The following VAMP5 variants were observed in gnomAD, a reference collection of about 807,000 sequenced individuals.
The protein encoded by VAMP5 is vesicle associated membrane protein 5, also known as vesicle-associated membrane protein 5.
A neutral mutation model predicts 8.1 loss-of-function variants in VAMP5; 10 were observed. That is an observed-to-expected ratio of 1.23 (90% CI 0.76 to 2.09). The LOEUF (loss-of-function observed/expected upper bound fraction) is 2.09, where lower values mean the gene tolerates loss of function less well. Ranked by LOEUF, VAMP5 falls within the 30% of genes most tolerant of loss-of-function variation. VAMP5 has a pLI of 0.00. For missense variants in VAMP5, 135 were observed against 152.5 expected, an observed-to-expected ratio of 0.89 and a Z score of 0.60; for synonymous variants, 62 against 60.6, an observed-to-expected ratio of 1.02 and a Z score of -0.11.
intron 1 of VAMP5, among the ~76,000 whole-genome samples, chr2:85,588,905 A>G (rs1672500575): frequency 6.6e-6 from 1 of 151,984 alleles, no homozygotes; most frequent in African/African-American, 2.4e-5. Flanking sequence ...GATACTTACT[A>G]TCTGTATCGC....
In VAMP5 at chr2:85,591,839, C is replaced by T. The variant is rs1346947302; in HGVS notation, c.118C>T (p.Arg40Cys). 15 of 1,614,122 alleles carry T rather than the reference C, an allele frequency of 9.3e-6. No individual in the cohort carries two copies. The highest frequency in any genetic ancestry group is 1.6e-4 in the Middle Eastern group (1 of 6,062). The change falls in exon 2 of 3, where the codon CGT becomes TGT. Residue 40 changes from arginine to cysteine, a missense_variant. Coordinates refer to ENST00000306384, the MANE Select transcript of VAMP5 (RefSeq NM_006634.3). ...RGVKLAELQQ[R>C]SDQLLDMSST... ...TGTGAAGCTGGCCGAACTGCAGCAG[C>T]GTTCAGACCAACTCCTGGATATGGT...
rs181958057 is a variant in VAMP5, at chr2:85,585,561, G to A, written c.3+1068G>A. Among the ~76,000 whole-genome samples, 245 of 152,366 alleles carry A rather than the reference G, an allele frequency of 1.6e-3. 2 individuals are homozygous for A. The highest frequency in any genetic ancestry group is 5.7e-3 in the African/African-American group (235 of 41,578). Reference sequence around the variant, plus strand: ...AGGGCAGAGCCCAGAGCCCACTTAAGGGTGTGCAGGGCAAGGGGTCAGGCA... The same window carrying A: ...AGGGCAGAGCCCAGAGCCCACTTAAAGGTGTGCAGGGCAAGGGGTCAGGCA... On this transcript the variant is annotated intron_variant, in intron 1 of 2. Coordinates refer to ENST00000306384, the MANE Select transcript of VAMP5 (RefSeq NM_006634.3).
At chr2:85,587,818 G>A (rs1040976813) in intron 1 of VAMP5, among the ~76,000 whole-genome samples, 2 of 152,100 alleles carry the variant, frequency 1.3e-5, no homozygotes, top group African/African-American at 2.4e-5. Context: ...TTCAACAGAC[G>A]GGTGCAAAGC....
intron 1 of VAMP5, among the ~76,000 whole-genome samples, chr2:85,587,555 T>A (rs1055428234): frequency 1.3e-5 from 2 of 151,672 alleles, no homozygotes; most frequent in South Asian, 2.1e-4. Flanking sequence ...CCTGGCCATA[T>A]TGTACAATTC....
rs776537541 is a variant in VAMP5, at chr2:85,591,737, T to G, written c.16T>G (p.Leu6Val). 2 of 1,613,572 alleles carry G rather than the reference T, an allele frequency of 1.2e-6. No individual in the cohort carries two copies. Among genetic ancestry groups the G allele is most frequent in the South Asian group, 2.2e-5 (2 of 91,052 alleles). ...GCTTGGTGTCCAGGCAGGAATAGAG[T>G]TGGAGCGGTGCCAGCAGCAGGCGAA... is the stretch of plus-strand genomic sequence containing the variant. Reference protein sequence around the residue: MAGIELERCQQQANEV... With the variant: MAGIEVERCQQQANEV... Residue 6 changes from leucine to valine, a missense_variant, in exon 2 of 3, where the codon TTG becomes GTG. Leu to Val is a conservative substitution (Grantham distance 32, BLOSUM62 1). Transcript: ENST00000306384.
At chr2:85,588,550 A>T (rs771970729) in intron 1 of VAMP5, among the ~76,000 whole-genome samples, 5 of 152,026 alleles carry the variant, frequency 3.3e-5, no homozygotes, top group Non-Finnish European at 5.9e-5. Context: ...ATCTCCTGGC[A>T]GTCTTGCTGA....
In VAMP5 at chr2:85,584,471, AGGC is replaced by A. The variant is rs1356222331; in HGVS notation, c.-10_-8del. The A allele has an allele frequency of 5.6e-6, 7 of 1,243,088 alleles. No homozygotes were observed. The South Asian group carries it at 1.1e-4, about 19-fold the overall frequency. 77.0% of individuals were successfully genotyped at this position (1,243,088 alleles called of 1,614,324 possible). On this transcript the variant is annotated 5_prime_UTR_variant, in exon 1 of 3. Transcript: ENST00000306384. ...CAGGCAGAGAAGCCGGGAGCGGGCG[AGGC>A]GGCGGCGGCAGCAGCGATGGTGAGG...
In VAMP5 at chr2:85,584,439, C is replaced by T. The variant is rs562311364; in HGVS notation, c.-52C>T. On this transcript the variant is annotated 5_prime_UTR_variant, in exon 1 of 3. Coordinates refer to ENST00000306384, the MANE Select transcript of VAMP5 (RefSeq NM_006634.3). ...CCTCCGGGGCCGCTGGCACTGCGGC[C>T]GCTCCGCAGGCAGAGAAGCCGGGAG... 4.0e-6 allele frequency: 5 copies of T among 1,243,334 alleles called. No homozygotes were observed. The highest frequency in any genetic ancestry group is 4.1e-5 in the Admixed American group (1 of 24,172). The allele number at this position is 1,243,334 out of a possible 1,614,324, so 77.0% of individuals were successfully genotyped here.
intron 1 of VAMP5, among the ~76,000 whole-genome samples, chr2:85,588,761 C>G (rs1250296109): frequency 6.6e-6 from 1 of 152,150 alleles, no homozygotes; most frequent in Non-Finnish European, 1.5e-5. Flanking sequence ...TGTCCTGCCC[C>G]ATCCCTCCCA....
chr2:85,590,967 G>T (rs1672530880), intron 1 of VAMP5, among the ~76,000 whole-genome samples: 1 of 152,202 alleles, frequency 6.6e-6, no homozygotes, highest in Admixed American at 6.5e-5. Flanking sequence ...TTTCTGTTAG[G>T]CAAAGCTGCC....
intron 1 of VAMP5, among the ~76,000 whole-genome samples, chr2:85,587,501 C>A (rs2104045439): frequency 6.6e-6 from 1 of 152,014 alleles, no homozygotes. Context: ...ATCCACCTGC[C>A]TCGGCCTCCC....
At chr2:85,592,167 T>A (rs1672550833) in intron 2 of VAMP5, among the ~76,000 whole-genome samples, 1 of 152,150 alleles carries the variant, frequency 6.6e-6, no homozygotes, top group South Asian at 2.1e-4. Flanking sequence ...GGCACAATCA[T>A]ATTTGCTGCA....
Position 85,593,271 on chromosome 2 carries a change from C to T in VAMP5, c.*114C>T. 1 of 1,096,598 alleles carries T rather than the reference C, an allele frequency of 9.1e-7. No homozygotes were observed. The highest frequency in any genetic ancestry group is 1.3e-6 in the Non-Finnish European group (1 of 750,380). 67.9% of individuals were successfully genotyped at this position (1,096,598 alleles called of 1,614,324 possible). A position where few individuals can be genotyped will look rare whatever the true frequency, so the allele number is the denominator to read the frequency against. On this transcript the variant is annotated 3_prime_UTR_variant, in exon 3 of 3. Coordinates refer to ENST00000306384, the MANE Select transcript of VAMP5 (RefSeq NM_006634.3). ...CCCCAGTGAGTGCCAAAGGGCAGCC[C>T]CAACATGTGCACCCCTGCATTTCCT... is the stretch of plus-strand genomic sequence containing the variant.
In VAMP5 at chr2:85,591,844, A is replaced by G. The variant is rs759908143; in HGVS notation, c.123A>G (p.Ser41=). ...AGCTGGCCGAACTGCAGCAGCGTTC[A>G]GACCAACTCCTGGATATGGTGTGAG... ...GVKLAELQQR[S]DQLLDMSSTF... Residue 41 remains serine (S), a synonymous_variant, in exon 2 of 3, where the codon TCA becomes TCG. Coordinates refer to ENST00000306384, the MANE Select transcript of VAMP5 (RefSeq NM_006634.3). 1.2e-6 allele frequency: 2 copies of G among 1,614,204 alleles called. No individual in the cohort carries two copies. The highest frequency in any genetic ancestry group is 4.5e-5 in the East Asian group (2 of 44,876).
At chr2:85,586,950 C>T (rs1672470698) in intron 1 of VAMP5, among the ~76,000 whole-genome samples, 1 of 151,968 alleles carries the variant, frequency 6.6e-6, no homozygotes, top group Admixed American at 6.6e-5. Context: ...TGGCAGGCGC[C>T]TGTAGTCCCA....
chr2:85,591,143 C>T lies in VAMP5; in HGVS notation c.4-582C>T, dbSNP rs370994518. Among the ~76,000 whole-genome samples the T allele has an allele frequency of 4.7e-4, 71 of 152,334 alleles. 2 individuals are homozygous for T. The South Asian group carries it at 0.014, about 31-fold the overall frequency. ...TAGGGAGCAGGATCAGGCCAGGAGG[C>T]AGAACTGGCCTGACCAGTCAGAGGC... On this transcript the variant is annotated intron_variant, in intron 1 of 2. Transcript: ENST00000306384.
intron 1 of VAMP5, among the ~76,000 whole-genome samples, chr2:85,589,806 C>A (rs1207344829): frequency 6.6e-6 from 1 of 152,006 alleles, no homozygotes; most frequent in African/African-American, 2.4e-5. Context: ...TACAGGCATG[C>A]ACCACCATGC....
At chr2:85,584,604 A>G in intron 1 of VAMP5, 111 bp downstream of exon 1, 1 of 1,198,920 alleles carries the variant, frequency 8.3e-7, no homozygotes, top group Non-Finnish European at 1.0e-6. Flanking sequence ...GGGGCCCACG[A>G]GGGCCAGACC....
intron 1 of VAMP5, among the ~76,000 whole-genome samples, chr2:85,590,976 C>A (rs1048641039): frequency 6.6e-6 from 1 of 152,172 alleles, no homozygotes; most frequent in South Asian, 2.1e-4. Context: ...GGCAAAGCTG[C>A]CCCCCAGGCT....
Sources: allele counts gnomAD v4.1 joint callset (sites outside exome capture counted in the v4.1 genomes callset), GRCh38; gene constraint gnomAD v4.1.1; transcripts MANE v1.5; gene names NCBI Gene and HGNC (gene_info 2026-07-23, HGNC 2026-07-21).